PSG6: variants seen among roughly 807,000 people sequenced by gnomAD.
PSG6 encodes pregnancy specific beta-1-glycoprotein 6, also known as pregnancy-specific beta-1-glycoprotein 6.
A neutral mutation model predicts 43.3 loss-of-function variants in PSG6; 51 were observed. The ratio of observed to expected loss-of-function variants is 1.18; its 90% CI spans 0.94 to 1.49. The LOEUF (loss-of-function observed/expected upper bound fraction) is 1.49, where lower values mean the gene tolerates loss of function less well. PSG6 is among the 40% of genes most tolerant of loss of function. PSG6 has a pLI of 0.00. For synonymous variants in PSG6, 292 were observed against 197.6 expected, an observed-to-expected ratio of 1.48 and a Z score of -4.01; for missense variants, 770 against 522.2, an observed-to-expected ratio of 1.47 and a Z score of -4.62.
intron 2 of PSG6, among the ~76,000 whole-genome samples, chr19:42,912,613 A>G (rs1356214822): frequency 6.6e-6 from 1 of 151,838 alleles, no homozygotes; most frequent in East Asian, 1.9e-4. Flanking sequence ...TAAATATAGA[A>G]AGAACCTGCT....
At position 42,908,106 on chromosome 19, in the gene PSG6, C is replaced by G. The variant is rs368968337; in HGVS notation, c.707-252G>C. Among the ~76,000 whole-genome samples the G allele has an allele frequency of 1.1e-4, 17 of 151,768 alleles. No individual in the cohort carries two copies. The East Asian group carries it at 2.9e-3, about 26-fold the overall frequency. On this transcript the variant is annotated intron_variant, in intron 3 of 5. Coordinates refer to ENST00000187910, the MANE Select transcript of PSG6 (RefSeq NM_001031850.4). ...AGCAGTGTTGGGTCATGGACAGACACGTCAGTGGGAGTCACAGCCCCTGGT... is the reference window on the plus strand; with the variant it reads ...AGCAGTGTTGGGTCATGGACAGACAGGTCAGTGGGAGTCACAGCCCCTGGT...
At position 42,916,365 on chromosome 19, in the gene PSG6, T is replaced by C. The variant is rs140507212; in HGVS notation, c.187A>G (p.Thr63Ala). The C allele has an allele frequency of 8.4e-5, 135 of 1,612,052 alleles. 4 individuals are homozygous for C. The highest frequency in any genetic ancestry group is 1.1e-4 in the Non-Finnish European group (133 of 1,179,150). Residue 63 changes from threonine (T) to alanine (A), a missense_variant, in exon 2 of 6, where the codon ACT (threonine) becomes GCT (alanine). Transcript: ENST00000187910. ...TGCCCTTTGTACCAGATGTAGCCAG[T>C]AAGATTCTGGGGCAAATTGTGGACA... ...LLVHNLPQNLTGYIWYKGQMT... is the reference protein window; with the variant it reads ...LLVHNLPQNLAGYIWYKGQMT...
chr19:42,908,883 G>C (rs985273744), intron 3 of PSG6, among the ~76,000 whole-genome samples: 3 of 151,718 alleles, frequency 2.0e-5, no homozygotes, highest in African/African-American at 7.3e-5. Context: ...GAGGCTGCTG[G>C]AAGCCAGGAG....
intron 3 of PSG6, among the ~76,000 whole-genome samples, chr19:42,908,094 C>G (rs1326291543): frequency 6.6e-6 from 1 of 151,646 alleles, no homozygotes; most frequent in Admixed American, 6.6e-5. Context: ...AGTGTTGGGT[C>G]ATGGACAGAC....
At chr19:42,910,909 C>G in intron 2 of PSG6, 51 bp from the exon 3 acceptor site, 1 of 1,548,574 alleles carries the variant, frequency 6.5e-7, no homozygotes, top group South Asian at 1.3e-5. Flanking sequence ...TTTGATTCCT[C>G]CAAAGGCATT....
rs146552751 is a variant in PSG6 at position 42,916,207 on chromosome 19, A to G, written c.345T>C (p.Asp115=). The part of the protein sequence containing the change: ...SLLIQNVTQE[D]AGSYTLHIIK... ...TGATGTGTAAGGTGTAGGATCCTGC[A>G]TCCTCCTGTGTGACATTCTGGATCA... Residue 115 remains aspartate (D), a synonymous_variant, in exon 2 of 6, where the codon GAT becomes GAC. Coordinates refer to ENST00000187910, the MANE Select transcript of PSG6 (RefSeq NM_001031850.4). The G allele has an allele frequency of 2.2e-4, 347 of 1,612,176 alleles. 8 individuals carry two copies. The highest frequency in any genetic ancestry group is 2.0e-3 in the African/African-American group (150 of 74,836).
intron 2 of PSG6, among the ~76,000 whole-genome samples, chr19:42,913,986 A>G (rs1429949306): frequency 6.6e-6 from 1 of 151,670 alleles, no homozygotes; most frequent in African/African-American, 2.4e-5. Context: ...GCAGACTTGG[A>G]GTTCTTAAAA....
chr19:42,906,848 T>C, intron 5 of PSG6, 74 bp downstream of exon 5: 2 of 1,609,818 alleles, frequency 1.2e-6, no homozygotes, highest in South Asian at 2.2e-5. Context: ...TACAAATGTT[T>C]TCCTGACTCT....
intron 5 of PSG6, among the ~76,000 whole-genome samples, chr19:42,905,894 A>G (rs775711242): frequency 6.6e-6 from 1 of 151,560 alleles, no homozygotes; most frequent in Non-Finnish European, 1.5e-5. Context: ...AGAAAGTAGA[A>G]TGGTGGGTGT....
intron 2 of PSG6, among the ~76,000 whole-genome samples, chr19:42,914,649 G>T (rs915314688): frequency 6.6e-6 from 1 of 151,438 alleles, no homozygotes; most frequent in Non-Finnish European, 1.5e-5. Flanking sequence ...GCCTCTGAAG[G>T]ACAAGGGACA....
chr19:42,915,662 A>T (rs1972311160), intron 2 of PSG6: 1 of 196,338 alleles, frequency 5.1e-6, no homozygotes, highest in African/African-American at 2.3e-5. Flanking sequence ...GCCCTGCCAA[A>T]GAAGCCACAA....
At position 42,903,145 on chromosome 19, in the gene PSG6, C is replaced by T. The variant is rs770433310; in HGVS notation, c.1241-699G>A. Among the ~76,000 whole-genome samples, 9 of 151,686 alleles carry T rather than the reference C, an allele frequency of 5.9e-5. 1 individual carries two copies. Among genetic ancestry groups the T allele is most frequent in the Non-Finnish European group, 1.3e-4 (9 of 67,880 alleles). On this transcript the variant is annotated intron_variant, in intron 5 of 5. Coordinates refer to ENST00000187910, the MANE Select transcript of PSG6 (RefSeq NM_001031850.4). ...ATTCTAGGACTATTTGACCTCAAGG[C>T]TAATGATGATGGTAGTAATATAGCA...
chr19:42,916,112 C>T lies in PSG6; in HGVS notation c.427+13G>A, dbSNP rs2074856. The T allele has an allele frequency of 0.3, 478,989 of 1,608,158 alleles. 84,650 individuals carry two copies. Among genetic ancestry groups the T allele is most frequent in the African/African-American group, 0.57 (42,521 of 74,400 alleles). On this transcript the variant is annotated intron_variant, in intron 2 of 5. Coordinates refer to ENST00000187910, the MANE Select transcript of PSG6 (RefSeq NM_001031850.4). ...TGCCCCCCAACACCCAGGGATCATG[C>T]GGAATCACTCACAGTATAAGGTGAC...
chr19:42,904,697 T>C (rs1972085351), intron 5 of PSG6, among the ~76,000 whole-genome samples: 1 of 151,650 alleles, frequency 6.6e-6, no homozygotes, highest in Non-Finnish European at 1.5e-5. Flanking sequence ...CTCAATATTG[T>C]TAGGAGGACA....
intron 2 of PSG6, among the ~76,000 whole-genome samples, chr19:42,911,319 C>T (rs771076061): frequency 1.5e-4 from 22 of 151,604 alleles, no homozygotes; most frequent in Non-Finnish European, 2.8e-4. Context: ...TTCCCATTGT[C>T]CTTAAGCCCT....
chr19:42,917,339 C>CT (rs1375684769), intron 1 of PSG6, among the ~76,000 whole-genome samples: 1 of 148,356 alleles, frequency 6.7e-6, no homozygotes, highest in African/African-American at 2.5e-5. Flanking sequence ...CCTTCTTTCC[C>CT]TTTTTTTCTT....
At chr19:42,902,600 C>T (rs1396429305) in intron 5 of PSG6, among the ~76,000 whole-genome samples, 154 bp from the exon 6 acceptor site, 1 of 151,632 alleles carries the variant, frequency 6.6e-6, no homozygotes, top group Non-Finnish European at 1.5e-5. Flanking sequence ...TTGGAGGATT[C>T]CTCATCAGCC....
In PSG6 at chr19:42,916,361, C is replaced by T. The variant is rs368368863; in HGVS notation, c.191G>A (p.Gly64Asp). 1.2e-6 allele frequency: 2 copies of T among 1,612,034 alleles called. No homozygotes were observed. The highest frequency in any genetic ancestry group is 2.2e-5 in the South Asian group (2 of 90,608). ...CATTTGCCCTTTGTACCAGATGTAG[C>T]CAGTAAGATTCTGGGGCAAATTGTG... ...LVHNLPQNLT[G>D]YIWYKGQMTD... is the part of the protein sequence containing the mutation. Residue 64 changes from glycine to aspartate, a missense_variant, in exon 2 of 6, where the codon GGC becomes GAC. By Grantham distance (94) the Gly-to-Asp change is moderately conservative. Coordinates refer to ENST00000187910, the MANE Select transcript of PSG6 (RefSeq NM_001031850.4).
intron 5 of PSG6, 193 bp downstream of exon 5, chr19:42,906,729 G>A (rs1021855078): frequency 1.9e-5 from 29 of 1,527,740 alleles, no homozygotes; most frequent in Non-Finnish European, 2.2e-5. Flanking sequence ...CACAAGGTCA[G>A]CCATGAGAAA....
Sources: allele counts gnomAD v4.1 joint callset (sites outside exome capture counted in the v4.1 genomes callset), GRCh38; gene constraint gnomAD v4.1.1; transcripts MANE v1.5; gene names NCBI Gene and HGNC (gene_info 2026-07-23, HGNC 2026-07-21).